Variants in AXIN1 observed in about 807,000 individuals in gnomAD.
AXIN1 encodes the protein axin 1.
Under a neutral mutation model 76.4 loss-of-function variants are expected in AXIN1, and 30 were observed. That is an observed-to-expected ratio of 0.39 (90% CI 0.29 to 0.53). AXIN1 has a LOEUF of 0.53. Among genes scored for constraint, AXIN1 ranks in the 20% least tolerant of loss-of-function variants. The pLI, the probability that AXIN1 is intolerant of heterozygous loss-of-function variation, is 0.66. For synonymous variants in AXIN1, 545 were observed against 501.4 expected (o/e 1.09, Z -1.16); for missense variants, 1,140 against 1,198.8 (o/e 0.95, Z 0.72).
chr16:332,201 G>T (rs1275173190), intron 2 of AXIN1, among the ~76,000 whole-genome samples: 3 of 152,170 alleles, frequency 2.0e-5, no homozygotes, highest in Non-Finnish European at 4.4e-5. Context: ...GGGCCCCACG[G>T]TCCAAGGACA....
intron 9 of AXIN1, chr16:290,935 G>A (rs572047455): frequency 1.1e-4 from 63 of 561,436 alleles, no homozygotes; most frequent in South Asian, 1.1e-3. Flanking sequence ...GCAGGGGCTG[G>A]CTGTGCCCAG....
At chr16:349,925 A>G (rs2054108941) in intron 1 of AXIN1, among the ~76,000 whole-genome samples, 1 of 152,122 alleles carries the variant, frequency 6.6e-6, no homozygotes, top group South Asian at 2.1e-4. Flanking sequence ...CAGCCTCTCA[A>G]GTGGCGGGGA....
At chr16:338,815 C>T (rs867021393) in intron 2 of AXIN1, among the ~76,000 whole-genome samples, 5 of 151,926 alleles carry the variant, frequency 3.3e-5, no homozygotes, top group African/African-American at 9.7e-5. Flanking sequence ...CCCAGCTACT[C>T]GGGAGGCTGA....
In AXIN1 at chr16:314,775, TATTA is replaced by T. The variant is rs905574450; in HGVS notation, c.879-96_879-93del. The T allele has an allele frequency of 7.1e-6, 11 of 1,553,550 alleles. No homozygotes were observed. In the African/African-American group the frequency reaches 1.4e-4, roughly 19 times the overall value. ...TTCATGTTATCTGAATATCTCAATG[TATTA>T]ATTAAAAACACAAGCAATTTGGAGA... On this transcript the variant is annotated intron_variant, in intron 2 of 10. Coordinates refer to ENST00000262320, the MANE Select transcript of AXIN1 (RefSeq NM_003502.4).
intron 8 of AXIN1, chr16:292,129 G>A (rs2052578088): frequency 6.6e-6 from 1 of 152,092 alleles, no homozygotes; most frequent in Non-Finnish European, 1.5e-5. Context: ...GGATGGCTCA[G>A]GAAGCCCCGG....
intron 2 of AXIN1, among the ~76,000 whole-genome samples, chr16:343,424 G>A (rs1434143541): frequency 2.6e-5 from 4 of 152,102 alleles, no homozygotes; most frequent in Non-Finnish European, 4.4e-5. Flanking sequence ...AGCCGGGGCC[G>A]GGCGCAGTGG....
chr16:326,584 T>C (rs535484699), intron 2 of AXIN1, among the ~76,000 whole-genome samples: 186 of 148,638 alleles, frequency 1.3e-3, no homozygotes, highest in African/African-American at 4.0e-3. Context: ...CCATCTCTAC[T>C]AAAAATACAA....
chr16:338,198 AGC>A (rs1490369265), intron 2 of AXIN1, among the ~76,000 whole-genome samples: 4 of 152,194 alleles, frequency 2.6e-5, no homozygotes, highest in African/African-American at 7.2e-5. Flanking sequence ...GCAGAACCGG[AGC>A]GTGTGCGTCA....
At chr16:299,057 G>T in intron 5 of AXIN1, 3 of 985,120 alleles carry the variant, frequency 3.0e-6, no homozygotes, top group Non-Finnish European at 3.6e-6. Flanking sequence ...ATGAGCCGCC[G>T]CGCCCGGCCT....
At chr16:300,687 C>T (rs1305955816) in intron 5 of AXIN1, among the ~76,000 whole-genome samples, 2 of 152,148 alleles carry the variant, frequency 1.3e-5, no homozygotes, top group African/African-American at 2.4e-5. Context: ...TGGAGCAGAG[C>T]CGGGGGACAG....
chr16:330,066 C>CTTTT (rs34633391), intron 2 of AXIN1, among the ~76,000 whole-genome samples: 1 of 143,972 alleles, frequency 6.9e-6, no homozygotes, highest in African/African-American at 2.6e-5. Flanking sequence ...GTGCCCGGCC[C>CTTTT]TTTTTTTTTT....
At chr16:324,032 C>A (rs2053524123) in intron 2 of AXIN1, among the ~76,000 whole-genome samples, 2 of 152,156 alleles carry the variant, frequency 1.3e-5, no homozygotes, top group South Asian at 4.1e-4. Flanking sequence ...CCATGGGAAG[C>A]CCCGTAGCCC....
intron 1 of AXIN1, among the ~76,000 whole-genome samples, chr16:349,135 T>A (rs1203771459): frequency 2.2e-5 from 3 of 134,568 alleles, no homozygotes; most frequent in East Asian, 4.3e-4. Flanking sequence ...AAAATAAAAT[T>A]AGTAAATAAA....
At chr16:308,633 A>G (rs746733012) in intron 4 of AXIN1, among the ~76,000 whole-genome samples, 1 of 152,192 alleles carries the variant, frequency 6.6e-6, no homozygotes, top group Non-Finnish European at 1.5e-5. Flanking sequence ...TGACTTGAAA[A>G]TCAGAGGCCG....
At chr16:345,868 T>C (rs945412263) in intron 2 of AXIN1, among the ~76,000 whole-genome samples, 1 of 152,222 alleles carries the variant, frequency 6.6e-6, no homozygotes, top group African/African-American at 2.4e-5. Flanking sequence ...AGGGTAAAGT[T>C]TACATGTCAT....
chr16:326,372 A>AAAAAAAAAAAAAAAAATATATATAT (rs1380874299), intron 2 of AXIN1, among the ~76,000 whole-genome samples: 1 of 86,470 alleles, frequency 1.2e-5, no homozygotes, highest in African/African-American at 5.8e-5. Flanking sequence ...AAAAAAAAAA[A>AAAAAAAAAAAAAAAAATATATATAT]ATATATATAT....
chr16:327,099 A>G (rs943719486), intron 2 of AXIN1, among the ~76,000 whole-genome samples: 21 of 151,498 alleles, frequency 1.4e-4, no homozygotes, highest in African/African-American at 4.6e-4. Context: ...CCGAGATCGC[A>G]CCATTGCACT....
At chr16:302,305 T>C (rs2052894349) in intron 5 of AXIN1, among the ~76,000 whole-genome samples, 1 of 152,252 alleles carries the variant, frequency 6.6e-6, no homozygotes, top group Non-Finnish European at 1.5e-5. Context: ...GCCCTGGAGC[T>C]GGCACCACCC....
intron 2 of AXIN1, among the ~76,000 whole-genome samples, chr16:335,533 C>G (rs2053785840): frequency 6.6e-6 from 1 of 151,300 alleles, no homozygotes; most frequent in South Asian, 2.1e-4. Flanking sequence ...CACGGCACAC[C>G]AATAACATAG....
Sources: gnomAD v4.1 joint callset for allele counts (sites outside exome capture counted in the v4.1 genomes callset) on GRCh38, gnomAD v4.1.1 for gene constraint, MANE v1.5 for transcripts, NCBI Gene and HGNC (gene_info 2026-07-23, HGNC 2026-07-21) for gene names.